Variants in PCDH9 observed in about 807,000 individuals in gnomAD.
PCDH9 encodes protocadherin-9.
PCDH9 carries 24 observed loss-of-function variants against 70.6 expected under a neutral mutation model. The ratio of observed to expected loss-of-function variants is 0.34; its 90% CI spans 0.25 to 0.48. The LOEUF (loss-of-function observed/expected upper bound fraction) is 0.48, where lower values mean the gene tolerates loss of function less well. Among genes scored for constraint, PCDH9 ranks in the 20% least tolerant of loss-of-function variants. The pLI is 0.99. For synonymous variants in PCDH9, 562 were observed against 558.5 expected, an observed-to-expected ratio of 1.01 and a Z score of -0.09; for missense variants, 1,281 against 1,503.6, an observed-to-expected ratio of 0.85 and a Z score of 2.45.
At chr13:66,662,859 A>G (rs994591120) in intron 3 of PCDH9, among the ~76,000 whole-genome samples, 1 of 152,202 alleles carries the variant, frequency 6.6e-6, no homozygotes, top group Non-Finnish European at 1.5e-5. Context: ...AAGAAAGTGA[A>G]TGAGTAGATA....
chr13:67,154,485 G>C (rs187786038), intron 2 of PCDH9, among the ~76,000 whole-genome samples: 48 of 150,314 alleles, frequency 3.2e-4, no homozygotes, highest in African/African-American at 1.1e-3. Context: ...GCTGAGGCAG[G>C]AGGATGATTT....
chr13:66,803,323 G>C (rs1193589642), intron 3 of PCDH9, among the ~76,000 whole-genome samples: 1 of 152,096 alleles, frequency 6.6e-6, no homozygotes, highest in Non-Finnish European at 1.5e-5. Flanking sequence ...TTGCTACTGA[G>C]ACAGCCAGTA....
chr13:67,012,797 A>G (rs1373587257), intron 2 of PCDH9, among the ~76,000 whole-genome samples: 5 of 152,024 alleles, frequency 3.3e-5, no homozygotes, highest in African/African-American at 1.2e-4. Flanking sequence ...TAAAACGATT[A>G]AAGAGTCACA....
At chr13:66,758,879 AT>A (rs1253477029) in intron 3 of PCDH9, among the ~76,000 whole-genome samples, 2 of 151,952 alleles carry the variant, frequency 1.3e-5, no homozygotes, top group Non-Finnish European at 2.9e-5. Context: ...GAATTTATCC[AT>A]TTCTTTTTGC....
At chr13:66,398,300 G>A (rs1957137675) in intron 4 of PCDH9, among the ~76,000 whole-genome samples, 1 of 151,928 alleles carries the variant, frequency 6.6e-6, no homozygotes, top group African/African-American at 2.4e-5. Flanking sequence ...TTGAATTATT[G>A]TAAACACATT....
chr13:66,817,022 A>C (rs1042301900), intron 3 of PCDH9, among the ~76,000 whole-genome samples: 3 of 151,914 alleles, frequency 2.0e-5, no homozygotes, highest in African/African-American at 7.2e-5. Flanking sequence ...ACCATTAAAA[A>C]ATACAATAAA....
intron 2 of PCDH9, among the ~76,000 whole-genome samples, chr13:67,062,207 C>T (rs938639562): frequency 6.6e-6 from 1 of 151,970 alleles, no homozygotes; most frequent in African/African-American, 2.4e-5. Context: ...GATAGTGAAA[C>T]ATAGACAAGA....
At chr13:67,048,573 A>G (rs2085265987) in intron 2 of PCDH9, among the ~76,000 whole-genome samples, 1 of 152,212 alleles carries the variant, frequency 6.6e-6, no homozygotes, top group Admixed American at 6.5e-5. Flanking sequence ...GGCCAAAAGA[A>G]AGAAATCAGA....
In PCDH9 at chr13:66,722,725, T is replaced by C. The variant is rs191170706; in HGVS notation, c.3139-91314A>G. ...GCTCACGCCTGTAATCCCAGCACTT[T>C]GGGAGGCAGAGGCAGGCTGATCACC... On this transcript the variant is annotated intron_variant, in intron 3 of 4. Coordinates refer to ENST00000377865, the MANE Select transcript of PCDH9 (RefSeq NM_203487.3). Among the ~76,000 whole-genome samples, 265 of 152,182 alleles carry C rather than the reference T, an allele frequency of 1.7e-3. 1 individual carries two copies. The highest frequency in any genetic ancestry group is 6.3e-3 in the African/African-American group (260 of 41,536).
At chr13:66,373,075 C>T (rs192704402) in intron 4 of PCDH9, among the ~76,000 whole-genome samples, 57 of 151,928 alleles carry the variant, frequency 3.8e-4, no homozygotes, top group African/African-American at 1.3e-3. Context: ...AAGGTGAAAA[C>T]AATCGAAAAG....
chr13:67,074,097 A>G (rs1298157314), intron 2 of PCDH9, among the ~76,000 whole-genome samples: 1 of 148,212 alleles, frequency 6.7e-6, no homozygotes, highest in Non-Finnish European at 1.5e-5. Context: ...CTGTCTGTCT[A>G]TTATCTATCT....
intron 4 of PCDH9, among the ~76,000 whole-genome samples, chr13:66,399,118 A>G (rs1273098653): frequency 6.6e-6 from 1 of 152,128 alleles, no homozygotes; most frequent in African/African-American, 2.4e-5. Flanking sequence ...TGGAATAACA[A>G]TTCCTATTCT....
chr13:66,702,254 C>T (rs570887955), intron 3 of PCDH9, among the ~76,000 whole-genome samples: 83 of 152,094 alleles, frequency 5.5e-4, no homozygotes, highest in Admixed American at 1.4e-3. Context: ...AATCTGAGCA[C>T]TAAAATTTCC....
intron 3 of PCDH9, among the ~76,000 whole-genome samples, chr13:66,672,297 G>A (rs1053598901): frequency 1.6e-4 from 24 of 152,160 alleles, no homozygotes; most frequent in African/African-American, 5.3e-4. Flanking sequence ...TCACTATATG[G>A]GAGGTCCATC....
chr13:66,616,484 C>CTTTTTTTTTTT (rs60587237), intron 4 of PCDH9, among the ~76,000 whole-genome samples: 3 of 116,668 alleles, frequency 2.6e-5, no homozygotes, highest in Non-Finnish European at 3.4e-5. Context: ...TTCTAAAATT[C>CTTTTTTTTTTT]TTTTTTTTTT....
At chr13:66,588,098 C>A (rs1002922517) in intron 4 of PCDH9, among the ~76,000 whole-genome samples, 2 of 152,002 alleles carry the variant, frequency 1.3e-5, no homozygotes, top group Non-Finnish European at 2.9e-5. Flanking sequence ...TGTAAAAAAT[C>A]ATTTCTAGCT....
chr13:66,506,396 C>T (rs1006272131), intron 4 of PCDH9, among the ~76,000 whole-genome samples: 5 of 152,018 alleles, frequency 3.3e-5, no homozygotes, highest in South Asian at 2.1e-4. Flanking sequence ...TCCCTCTTAC[C>T]GTGGAAGACG....
chr13:66,477,734 T>A (rs1958760198), intron 4 of PCDH9, among the ~76,000 whole-genome samples: 1 of 152,216 alleles, frequency 6.6e-6, no homozygotes, highest in South Asian at 2.1e-4. Flanking sequence ...ATAAATCACA[T>A]GCAAATCATA....
intron 2 of PCDH9, among the ~76,000 whole-genome samples, chr13:67,178,455 G>A (rs2088525104): frequency 6.6e-6 from 1 of 152,022 alleles, no homozygotes; most frequent in Admixed American, 6.6e-5. Flanking sequence ...TTCTGCATTT[G>A]ATTATGTCAA....
Sources: gnomAD v4.1 joint callset for allele counts (sites outside exome capture counted in the v4.1 genomes callset) on GRCh38, gnomAD v4.1.1 for gene constraint, MANE v1.5 for transcripts, NCBI Gene and HGNC (gene_info 2026-07-23, HGNC 2026-07-21) for gene names.